ATAD2B: variants seen among roughly 807,000 people sequenced by gnomAD.
ATAD2B encodes ATPase family AAA domain-containing protein 2B.
A neutral mutation model predicts 167.6 loss-of-function variants in ATAD2B; 40 were observed. The observed-to-expected ratio is 0.24, with a 90% CI of 0.19 to 0.31. The LOEUF (loss-of-function observed/expected upper bound fraction) is 0.31, where lower values mean the gene tolerates loss of function less well. Among genes scored for constraint, ATAD2B ranks in the 10% least tolerant of loss-of-function variants. The pLI, the probability that ATAD2B is intolerant of heterozygous loss-of-function variation, is 1.00. For synonymous variants in ATAD2B, 579 were observed against 596.5 expected, an observed-to-expected ratio of 0.97 and a Z score of 0.43; for missense variants, 1,242 against 1,757.2, an observed-to-expected ratio of 0.71 and a Z score of 5.24.
intron 13 of ATAD2B, 78 bp from the exon 14 acceptor site, chr2:23,834,156 T>A: frequency 2.8e-6 from 2 of 709,226 alleles, no homozygotes; most frequent in East Asian, 3.7e-5. Context: ...GTCTTTCTTT[T>A]TTTTTTTTTT....
the ATAD2B span, among the ~76,000 whole-genome samples, chr2:23,711,988 T>G: frequency 6.6e-6 from 1 of 152,216 alleles, no homozygotes; most frequent in Non-Finnish European, 1.5e-5. Flanking sequence ...CTCAGAAAAG[T>G]GGCTTGCCCG....
At chr2:23,743,513 A>T in the ATAD2B span, among the ~76,000 whole-genome samples, 1 of 151,522 alleles carries the variant, frequency 6.6e-6, no homozygotes, top group African/African-American at 2.4e-5. Flanking sequence ...CAGTGAGCCG[A>T]CATTACACCA....
At chr2:23,693,039 C>T in the ATAD2B span, among the ~76,000 whole-genome samples, 13 of 152,070 alleles carry the variant, frequency 8.5e-5, no homozygotes, top group South Asian at 2.1e-4. Flanking sequence ...AGGACCTGTG[C>T]GCACAGAGGG....
chr2:23,779,207 G>A (rs764812827), intron 22 of ATAD2B, among the ~76,000 whole-genome samples: 9 of 120,330 alleles, frequency 7.5e-5, no homozygotes, highest in African/African-American at 9.8e-5. Flanking sequence ...ACAGAGTCTC[G>A]CTCTGTCTCC....
intron 6 of ATAD2B, among the ~76,000 whole-genome samples, chr2:23,882,600 AGATCGAGACC>A (rs1217933874): frequency 6.6e-6 from 1 of 151,072 alleles, no homozygotes; most frequent in South Asian, 2.1e-4. Flanking sequence ...CGAGGTCAGG[AGATCGAGACC>A]ATCCTGGCTA....
chr2:23,821,726 G>T (rs1335151861), intron 16 of ATAD2B, among the ~76,000 whole-genome samples: 1 of 152,116 alleles, frequency 6.6e-6, no homozygotes, highest in African/African-American at 2.4e-5. Flanking sequence ...TCCCTTCAAA[G>T]TTTATGAGCT....
chr2:23,769,705 A>G (rs1056114766), intron 22 of ATAD2B, among the ~76,000 whole-genome samples: 1 of 138,280 alleles, frequency 7.2e-6, no homozygotes, highest in Non-Finnish European at 1.6e-5. Context: ...ATGGTGTCTC[A>G]CTGTGGGTTT....
At chr2:23,808,236 A>T (rs1040759717) in intron 18 of ATAD2B, among the ~76,000 whole-genome samples, 4 of 143,620 alleles carry the variant, frequency 2.8e-5, no homozygotes, top group Admixed American at 7.2e-5. Context: ...AAATATATAT[A>T]TTTACTTTAG....
intron 1 of ATAD2B, among the ~76,000 whole-genome samples, chr2:23,921,277 G>A (rs1053538916): frequency 4.8e-5 from 7 of 144,558 alleles, no homozygotes; most frequent in South Asian, 4.4e-4. Context: ...CAAATGAAAC[G>A]GATAATGCAC....
chr2:23,854,680 A>G (rs1020720949), intron 13 of ATAD2B, among the ~76,000 whole-genome samples: 2 of 148,804 alleles, frequency 1.3e-5, no homozygotes, highest in Non-Finnish European at 3.0e-5. Context: ...CTTCGTCTCA[A>G]AAAAAAAAAA....
intron 17 of ATAD2B, among the ~76,000 whole-genome samples, chr2:23,818,441 T>G (rs1300664996): frequency 6.9e-6 from 1 of 145,138 alleles, no homozygotes; most frequent in Admixed American, 6.8e-5. Flanking sequence ...TGGAATAGCC[T>G]ATAAAAAAAC....
At chr2:23,850,336 G>C (rs1053944502) in intron 13 of ATAD2B, among the ~76,000 whole-genome samples, 2 of 152,112 alleles carry the variant, frequency 1.3e-5, no homozygotes, top group African/African-American at 4.8e-5. Context: ...ATTTTGAACT[G>C]AATGACAGTG....
At chr2:23,687,758 A>AG in the ATAD2B span, among the ~76,000 whole-genome samples, 4 of 152,048 alleles carry the variant, frequency 2.6e-5, no homozygotes, top group Non-Finnish European at 5.9e-5. Context: ...GAAAGGCGGG[A>AG]GGGGGTCTCA....
intron 1 of ATAD2B, among the ~76,000 whole-genome samples, chr2:23,912,739 C>T (rs1428064894): frequency 6.6e-6 from 1 of 151,998 alleles, no homozygotes; most frequent in Non-Finnish European, 1.5e-5. Context: ...ATCTGTAATC[C>T]CAGCACTTTG....
intron 13 of ATAD2B, 67 bp downstream of exon 13, chr2:23,857,341 AGCTAAGG>A: frequency 1.5e-5 from 12 of 778,116 alleles, no homozygotes; most frequent in Non-Finnish European, 2.2e-5. Flanking sequence ...CATAGCACTT[AGCTAAGG>A]GCTAAGGCTA....
intron 18 of ATAD2B, among the ~76,000 whole-genome samples, chr2:23,798,776 T>G (rs186101086): frequency 8.7e-4 from 133 of 152,276 alleles, no homozygotes; most frequent in African/African-American, 3.2e-3. Flanking sequence ...TCATACAATA[T>G]ATAATCATTT....
intron 8 of ATAD2B, chr2:23,872,519 G>C (rs1696156592): frequency 1.2e-6 from 1 of 848,782 alleles, no homozygotes; most frequent in Middle Eastern, 3.1e-4. Context: ...CAAAACGGCA[G>C]AGCTCTGGCT....
chr2:23,829,015 A>G (rs751339155), intron 14 of ATAD2B, 76 bp from the exon 15 acceptor site: 2 of 966,480 alleles, frequency 2.1e-6, no homozygotes, highest in Admixed American at 4.7e-5. Context: ...AATCCCTCAA[A>G]TACGTTAGGT....
At chr2:23,678,440 C>T in the ATAD2B span, among the ~76,000 whole-genome samples, 2 of 152,228 alleles carry the variant, frequency 1.3e-5, no homozygotes, top group African/African-American at 4.8e-5. Context: ...GCACCACTAT[C>T]ATAGGAATGA....
Sources: gnomAD v4.1 joint callset for allele counts (sites outside exome capture counted in the v4.1 genomes callset) on GRCh38, gnomAD v4.1.1 for gene constraint, MANE v1.5 for transcripts, NCBI Gene and HGNC (gene_info 2026-07-23, HGNC 2026-07-21) for gene names.